Variants in JCAD observed in about 807,000 individuals in gnomAD.
JCAD encodes junctional cadherin 5-associated protein.
JCAD carries 40 observed loss-of-function variants against 98.0 expected under a neutral mutation model. That is an observed-to-expected ratio of 0.41 (90% CI 0.32 to 0.53). The LOEUF is 0.53. Among genes scored for constraint, JCAD ranks in the 20% least tolerant of loss-of-function variants. JCAD has a pLI of 0.31. For synonymous variants in JCAD, 691 were observed against 682.3 expected (o/e 1.01, Z -0.20); for missense variants, 1,705 against 1,738.1 (o/e 0.98, Z 0.34).
Position 30,071,489 on chromosome 10 carries a change from T to A in JCAD, n.129-1668A>T, listed in dbSNP as rs1589705277. On this transcript the variant is annotated intron_variant and non_coding_transcript_variant, in intron 1 of 2. Transcript: ENST00000465712. ...GTGATGTACAATGTTAAGGGCTTAA[T>A]AACTGTGTTTAAGAAAATATATTTA... 3.3e-5 allele frequency among the ~76,000 whole-genome samples: 5 copies of A among 152,116 alleles called. No homozygotes were observed. In the South Asian group the frequency reaches 1.0e-3, roughly 32 times the overall value.
intron 1 of JCAD, among the ~76,000 whole-genome samples, chr10:30,094,555 G>A (rs184556281): frequency 7.9e-5 from 12 of 152,268 alleles, no homozygotes; most frequent in Non-Finnish European, 1.0e-4. Context: ...CCCAGGTGCC[G>A]TGGGGCTGCT....
At chr10:30,108,884 A>G (rs975370962) in intron 1 of JCAD, among the ~76,000 whole-genome samples, 2 of 151,856 alleles carry the variant, frequency 1.3e-5, no homozygotes, top group Admixed American at 6.6e-5. Flanking sequence ...TAGCTCTCAC[A>G]TGCTTTTGGC....
chr10:30,028,983 C>T lies in JCAD; in HGVS notation c.1165G>A (p.Gly389Ser). The change falls in exon 3 of 4, where the codon GGC (glycine) becomes AGC (serine). Residue 389 changes from glycine (G) to serine (S), a missense_variant. Physicochemically the swap from Gly to Ser is moderately conservative, Grantham distance 56. This residue lies in a region of JCAD where 1,278 missense variants were observed against 1,243.1 expected (regional missense o/e 1.03). Coordinates refer to ENST00000375377, the MANE Select transcript of JCAD (RefSeq NM_020848.4). ...TACTCATTCCCAGTTCCAGGGGGGC[C>T]TGAAGGAGGCTGACCGCTGGCCCCA... ...KAGASGQPPS[G>S]PPGTGNEYGV... 1.2e-6 allele frequency: 2 copies of T among 1,613,840 alleles called. No individual in the cohort carries two copies. Among genetic ancestry groups the T allele is most frequent in the Non-Finnish European group, 8.5e-7 (1 of 1,179,954 alleles).
upstream of JCAD, among the ~76,000 whole-genome samples, chr10:30,060,063 AAC>A (rs1269036566): frequency 2.0e-5 from 3 of 152,028 alleles, no homozygotes; most frequent in Non-Finnish European, 4.4e-5. Context: ...GATGCAGCCA[AAC>A]ACACTGACAC....
Position 30,029,136 on chromosome 10 carries a change from G to A in JCAD, c.1012C>T (p.Pro338Ser). The change falls in exon 3 of 4, where the codon CCA becomes TCA. Residue 338 changes from proline to serine, a missense_variant. This residue lies in a region of JCAD where 275 missense variants were observed against 346.9 expected (regional missense o/e 0.79). Coordinates refer to ENST00000375377, the MANE Select transcript of JCAD (RefSeq NM_020848.4). ...LCLSDPGLEP[P>S]VYVPPPSYRS... ...TATGAGGGCGGAGGCACGTACACTG[G>A]AGGTTCCAATCCAGGGTCTGACAGG... 1 of 1,614,188 alleles carries A rather than the reference G, an allele frequency of 6.2e-7. No individual in the cohort carries two copies. The highest frequency in any genetic ancestry group is 8.5e-7 in the Non-Finnish European group (1 of 1,180,036).
At chr10:30,082,258 A>G (rs987411924) in intron 1 of JCAD, among the ~76,000 whole-genome samples, 2 of 152,216 alleles carry the variant, frequency 1.3e-5, no homozygotes, top group Non-Finnish European at 2.9e-5. Context: ...GTTCTCAGGT[A>G]GTACTAAGAA....
intron 3 of JCAD, among the ~76,000 whole-genome samples, chr10:30,022,272 C>G (rs572511726): frequency 4.6e-5 from 7 of 151,952 alleles, no homozygotes; most frequent in African/African-American, 1.2e-4. Flanking sequence ...TGGGGTGGTG[C>G]GGATAGACAT....
intron 1 of JCAD, among the ~76,000 whole-genome samples, chr10:30,097,082 A>G (rs1838381359): frequency 6.6e-6 from 1 of 152,342 alleles, no homozygotes; most frequent in African/African-American, 2.4e-5. Context: ...TCCTATCCAC[A>G]GTACTCTAAG....
intron 2 of JCAD, among the ~76,000 whole-genome samples, chr10:30,036,450 CA>C (rs60084989): frequency 0.097 from 11,590 of 119,376 alleles, 621 homozygotes; most frequent in African/African-American, 0.19. Context: ...GACTCCGTCT[CA>C]AAAAAAAAAA....
intron 3 of JCAD, among the ~76,000 whole-genome samples, chr10:30,024,212 G>A (rs1172061933): frequency 1.3e-5 from 2 of 152,070 alleles, no homozygotes; most frequent in Non-Finnish European, 2.9e-5. Flanking sequence ...TCCATGAACT[G>A]AGACACAGAA....
chr10:30,044,120 G>A (rs1049230599), intron 2 of JCAD, among the ~76,000 whole-genome samples: 10 of 152,096 alleles, frequency 6.6e-5, no homozygotes, highest in African/African-American at 2.2e-4. Flanking sequence ...ACAGCAAGAA[G>A]GCCCTCATGA....
At chr10:30,071,763 G>A (rs78223215) in intron 1 of JCAD, among the ~76,000 whole-genome samples, 3 of 152,130 alleles carry the variant, frequency 2.0e-5, no homozygotes, top group Non-Finnish European at 4.4e-5. Context: ...GGGAGACAGA[G>A]TGAGGCTCTG....
chr10:30,053,599 A>C (rs1190071250), intron 1 of JCAD, among the ~76,000 whole-genome samples: 4 of 151,916 alleles, frequency 2.6e-5, no homozygotes, highest in Non-Finnish European at 5.9e-5. Flanking sequence ...AGAATTATTA[A>C]TATGTAACAA....
chr10:30,080,920 C>T (rs997036102), intron 1 of JCAD, among the ~76,000 whole-genome samples: 7 of 152,210 alleles, frequency 4.6e-5, no homozygotes, highest in African/African-American at 1.4e-4. Flanking sequence ...AGATGGCCCC[C>T]GAAGCCTCTT....
At chr10:30,046,680 C>T (rs1365717378) in intron 2 of JCAD, among the ~76,000 whole-genome samples, 1 of 152,190 alleles carries the variant, frequency 6.6e-6, no homozygotes, top group Non-Finnish European at 1.5e-5. Context: ...AAGCAGAGTC[C>T]TAACACATGG....
intron 2 of JCAD, among the ~76,000 whole-genome samples, chr10:30,037,465 T>C (rs1410538443): frequency 6.6e-6 from 1 of 152,180 alleles, no homozygotes; most frequent in Admixed American, 6.5e-5. Flanking sequence ...ACAAGAATTG[T>C]AGGTTGCGCT....
At chr10:30,055,433 C>T (rs1239033650) in intron 1 of JCAD, among the ~76,000 whole-genome samples, 3 of 152,122 alleles carry the variant, frequency 2.0e-5, no homozygotes, top group South Asian at 2.1e-4. Context: ...CTAACTGACA[C>T]GTAGGTTTTT....
rs775484783 is a variant in JCAD at position 30,092,125 on chromosome 10, TAAAA to T, written n.129-22308_129-22305del. Among the ~76,000 whole-genome samples the T allele has an allele frequency of 6.9e-3, 722 of 104,920 alleles. 38 individuals carry two copies. Among genetic ancestry groups the T allele is most frequent in the African/African-American group, 0.031 (683 of 22,278 alleles). 68.8% of individuals were successfully genotyped at this position (104,920 alleles called of 152,430 possible). A position where few individuals can be genotyped will look rare whatever the true frequency, so the allele number is the denominator to read the frequency against. ...ATATATATATATATATATATATATA[TAAAA>T]AACATTTTAACTCTTTGCAAGAAGT... On this transcript the variant is annotated intron_variant and non_coding_transcript_variant, in intron 1 of 2. Coordinates refer to the JCAD transcript ENST00000465712.
At chr10:30,109,519 T>C (rs1838649881) in intron 1 of JCAD, among the ~76,000 whole-genome samples, 1 of 152,154 alleles carries the variant, frequency 6.6e-6, no homozygotes, top group Non-Finnish European at 1.5e-5. Flanking sequence ...TGTTGCTTTT[T>C]TTTCCTTCCG....
Sources: allele counts gnomAD v4.1 joint callset (sites outside exome capture counted in the v4.1 genomes callset), GRCh38; gene constraint gnomAD v4.1.1; regional missense constraint gnomAD v4.1.1; transcripts MANE v1.5; gene names NCBI Gene and HGNC (gene_info 2026-07-23, HGNC 2026-07-21).